The following CLNK variants were observed in gnomAD, a reference collection of about 807,000 sequenced individuals.
The protein encoded by CLNK is cytokine dependent hematopoietic cell linker.
CLNK carries 74 observed loss-of-function variants against 68.6 expected under a neutral mutation model. That is an observed-to-expected ratio of 1.08 (90% confidence interval 0.89 to 1.31). The LOEUF (loss-of-function observed/expected upper bound fraction) is 1.31. Among genes scored for constraint, CLNK ranks in the 50% most tolerant of loss-of-function variants. CLNK has a pLI of 0.00. For synonymous variants in CLNK, 198 were observed against 172.2 expected (o/e 1.15, Z -1.17); for missense variants, 553 against 515.3 (o/e 1.07, Z -0.71).
At chr4:10,490,994 A>T (rs2109015182) in intron 18 of CLNK, among the ~76,000 whole-genome samples, 1 of 152,232 alleles carries the variant, frequency 6.6e-6, no homozygotes, top group East Asian at 1.9e-4. Flanking sequence ...CGAACTCCTG[A>T]CCTCAGGTGA....
the CLNK span, among the ~76,000 whole-genome samples, chr4:10,708,462 G>C: frequency 6.6e-6 from 1 of 152,112 alleles, no homozygotes; most frequent in African/African-American, 2.4e-5. Flanking sequence ...ATGCCCATCA[G>C]TGGCAGAGCT....
intron 2 of CLNK, among the ~76,000 whole-genome samples, chr4:10,623,387 C>G (rs1487257290): frequency 6.6e-6 from 1 of 152,186 alleles, no homozygotes; most frequent in African/African-American, 2.4e-5. Flanking sequence ...TGTTGAGCAT[C>G]TCCTCACTGC....
At chr4:10,608,675 C>A (rs1721878924) in intron 2 of CLNK, among the ~76,000 whole-genome samples, 1 of 152,188 alleles carries the variant, frequency 6.6e-6, no homozygotes, top group African/African-American at 2.4e-5. Flanking sequence ...GGGAAGAAAA[C>A]CCTCATGTTA....
intron 2 of CLNK, among the ~76,000 whole-genome samples, chr4:10,619,330 G>GT (rs1318745353): frequency 6.6e-6 from 1 of 152,196 alleles, no homozygotes; most frequent in Non-Finnish European, 1.5e-5. Flanking sequence ...GGAGCTTTGT[G>GT]TTTTTAAACC....
At chr4:10,566,894 TAA>T (rs1720140419) in intron 5 of CLNK, among the ~76,000 whole-genome samples, 1 of 152,072 alleles carries the variant, frequency 6.6e-6, no homozygotes, top group Non-Finnish European at 1.5e-5. Context: ...GAAATACATT[TAA>T]CAAAAGAAGT....
At chr4:10,665,177 C>A (rs1016896816) in intron 2 of CLNK, among the ~76,000 whole-genome samples, 1 of 152,202 alleles carries the variant, frequency 6.6e-6, no homozygotes, top group Non-Finnish European at 1.5e-5. Flanking sequence ...TGTCCTCTGG[C>A]CTACGCATTG....
chr4:10,564,596 G>A (rs1577132537), intron 7 of CLNK, 75 bp downstream of exon 7: 4 of 1,006,544 alleles, frequency 4.0e-6, no homozygotes, highest in Non-Finnish European at 6.3e-6. Flanking sequence ...CTGGGGGACA[G>A]GAGATGGGGC....
chr4:10,680,313 A>G (rs1379414056), intron 1 of CLNK, among the ~76,000 whole-genome samples: 1 of 143,686 alleles, frequency 7.0e-6, no homozygotes, highest in Non-Finnish European at 1.5e-5. Flanking sequence ...TGGGAATTGA[A>G]GAATGAGAAC....
At chr4:10,730,669 G>A in the CLNK span, among the ~76,000 whole-genome samples, 1 of 152,074 alleles carries the variant, frequency 6.6e-6, no homozygotes, top group Non-Finnish European at 1.5e-5. Flanking sequence ...AAACCCAACC[G>A]ATCAAAATCG....
At chr4:10,634,402 C>A (rs944074189) in intron 2 of CLNK, among the ~76,000 whole-genome samples, 1 of 152,170 alleles carries the variant, frequency 6.6e-6, no homozygotes, top group Non-Finnish European at 1.5e-5. Context: ...GTGCGCTCGG[C>A]TCTTCATAAT....
At chr4:10,648,334 G>T (rs550652091) in intron 2 of CLNK, among the ~76,000 whole-genome samples, 2 of 152,228 alleles carry the variant, frequency 1.3e-5, no homozygotes, top group South Asian at 4.1e-4. Context: ...ATATGCTGGA[G>T]CTGTTATTGT....
In CLNK at chr4:10,620,959, A is replaced by AAAG. The variant is rs72155941; in HGVS notation, c.12-22911_12-22910insCTT. On this transcript the variant is annotated intron_variant, in intron 2 of 18. Coordinates refer to ENST00000226951, the MANE Select transcript of CLNK (RefSeq NM_052964.4). ...CTACTAAAAATACAAAAAAAAAAAA[A>AAAG]ATTAGCCCGGCGTAGTGGTGGGCAC... Among the ~76,000 whole-genome samples the AAAG allele has an allele frequency of 2.0e-5, 3 of 150,970 alleles. No homozygotes were observed. In the East Asian group the frequency reaches 5.9e-4, roughly 29 times the overall value.
At chr4:10,713,982 G>A in the CLNK span, among the ~76,000 whole-genome samples, 2 of 152,148 alleles carry the variant, frequency 1.3e-5, no homozygotes, top group Admixed American at 6.5e-5. Context: ...GCAGCAGCTC[G>A]AAACATTATC....
intron 2 of CLNK, among the ~76,000 whole-genome samples, chr4:10,650,366 A>G (rs1324244413): frequency 6.6e-6 from 1 of 152,100 alleles, no homozygotes. Context: ...ACTGAGAAAT[A>G]GTGAAAAACA....
At chr4:10,578,847 C>A (rs191234156) in intron 4 of CLNK, among the ~76,000 whole-genome samples, 9 of 152,282 alleles carry the variant, frequency 5.9e-5, no homozygotes, top group African/African-American at 2.2e-4. Context: ...GCTGGCATTA[C>A]AGGTGTGCGC....
chr4:10,725,654 C>G, the CLNK span, among the ~76,000 whole-genome samples: 89 of 152,222 alleles, frequency 5.8e-4, no homozygotes, highest in Admixed American at 1.7e-3. Context: ...GAGATCGAGA[C>G]CATCCTGGCT....
the CLNK span, among the ~76,000 whole-genome samples, chr4:10,733,800 A>T: frequency 2.8e-3 from 419 of 152,314 alleles, 2 homozygotes; most frequent in African/African-American, 9.4e-3. Context: ...CTGCTGAACT[A>T]AGTGCTAGAG....
At chr4:10,631,174 C>T (rs1003486454) in intron 2 of CLNK, among the ~76,000 whole-genome samples, 3 of 152,288 alleles carry the variant, frequency 2.0e-5, no homozygotes, top group Middle Eastern at 3.4e-3. Flanking sequence ...GTGAGGTCAG[C>T]CCCGAAGAGC....
the CLNK span, among the ~76,000 whole-genome samples, chr4:10,707,474 C>T: frequency 6.6e-6 from 1 of 152,240 alleles, no homozygotes; most frequent in African/African-American, 2.4e-5. Flanking sequence ...TAATGTCAGT[C>T]ACTTCAAGAT....
Sources: gnomAD v4.1 joint callset for allele counts (sites outside exome capture counted in the v4.1 genomes callset) on GRCh38, gnomAD v4.1.1 for gene constraint, MANE v1.5 for transcripts, NCBI Gene and HGNC (gene_info 2026-07-23, HGNC 2026-07-21) for gene names.